MAP4K3: variants seen among roughly 807,000 people sequenced by gnomAD.
MAP4K3 encodes mitogen-activated protein kinase kinase kinase kinase 3.
A neutral mutation model predicts 143.5 loss-of-function variants in MAP4K3; 94 were observed. The ratio of observed to expected loss-of-function variants is 0.65; its 90% CI spans 0.55 to 0.78. The LOEUF (loss-of-function observed/expected upper bound fraction) is 0.78, where lower values mean the gene tolerates loss of function less well. Among genes scored for constraint, MAP4K3 ranks in the 30% least tolerant of loss-of-function variants. The pLI is 0.00. For synonymous variants in MAP4K3, 416 were observed against 347.2 expected (o/e 1.20, Z -2.20); for missense variants, 1,077 against 1,068.1 (o/e 1.01, Z -0.12).
At chr2:39,272,233 T>C in intron 26 of MAP4K3, 50 bp downstream of exon 26, 2 of 1,333,506 alleles carry the variant, frequency 1.5e-6, no homozygotes, top group Non-Finnish European at 2.1e-6. Context: ...CATAAATATT[T>C]ATGAGAATGA....
intron 15 of MAP4K3, among the ~76,000 whole-genome samples, chr2:39,307,621 A>T (rs1294106057): frequency 6.6e-6 from 1 of 151,884 alleles, no homozygotes; most frequent in East Asian, 1.9e-4. Flanking sequence ...TCATTAAAAC[A>T]AGTTACATCA....
At chr2:39,272,421 G>A in intron 25 of MAP4K3, 21 bp from the exon 26 acceptor site, 1 of 1,600,588 alleles carries the variant, frequency 6.2e-7, no homozygotes, top group Non-Finnish European at 8.6e-7. Context: ...AAACAGATAT[G>A]ACATAAAAGC....
intron 15 of MAP4K3, among the ~76,000 whole-genome samples, chr2:39,300,705 G>T (rs1031828770): frequency 6.6e-6 from 1 of 152,032 alleles, no homozygotes; most frequent in Non-Finnish European, 1.5e-5. Context: ...TCATGATCAG[G>T]GCTTAACACA....
chr2:39,314,189 C>T (rs903768854), intron 13 of MAP4K3, among the ~76,000 whole-genome samples: 3 of 152,084 alleles, frequency 2.0e-5, no homozygotes, highest in Non-Finnish European at 4.4e-5. Context: ...ATCAACATGC[C>T]TGGCTAATTT....
Position 39,325,778 on chromosome 2 carries a change from T to C in MAP4K3, c.759A>G (p.Ala253=), listed in dbSNP as rs546031452. ...SNSFHHFVKM[A]LTKNPKKRPT... ...GTCTTTTTTTCGGATTTTTGGTAAG[T>C]GCCATTTTCACAAAGTGATGAAAAC... The change falls in exon 11 of 34, where the codon GCA becomes GCG. Residue 253 remains alanine (A), a synonymous_variant. Transcript: ENST00000263881. The C allele has an allele frequency of 1.2e-6, 2 of 1,610,226 alleles. No individual in the cohort carries two copies. Among genetic ancestry groups the C allele is most frequent in the East Asian group, 2.2e-5 (1 of 44,740 alleles).
intron 1 of MAP4K3, among the ~76,000 whole-genome samples, chr2:39,410,407 C>T (rs531532535): frequency 5.3e-5 from 8 of 152,266 alleles, no homozygotes; most frequent in African/African-American, 1.7e-4. Context: ...AACAAAGCAA[C>T]TGGTAATATT....
intron 16 of MAP4K3, among the ~76,000 whole-genome samples, chr2:39,295,134 G>A (rs1294362142): frequency 6.6e-6 from 1 of 151,358 alleles, no homozygotes; most frequent in Non-Finnish European, 1.5e-5. Context: ...GTTATTAGTG[G>A]ACCTCAACAA....
intron 1 of MAP4K3, among the ~76,000 whole-genome samples, chr2:39,419,989 C>A (rs1435798592): frequency 6.6e-6 from 1 of 152,176 alleles, no homozygotes; most frequent in East Asian, 1.9e-4. Flanking sequence ...ATCTGACTTT[C>A]CTATCACTCA....
chr2:39,268,464 G>A (rs919488889), intron 26 of MAP4K3, among the ~76,000 whole-genome samples: 4 of 151,354 alleles, frequency 2.6e-5, no homozygotes, highest in Admixed American at 6.6e-5. Context: ...GGGACTACAG[G>A]TGCCTGCCAT....
chr2:39,331,775 G>C (rs1683689532), intron 8 of MAP4K3, 142 bp downstream of exon 8: 3 of 476,630 alleles, frequency 6.3e-6, no homozygotes, highest in Non-Finnish European at 1.2e-5. Context: ...CCACCCATAA[G>C]TGTACATGCC....
chr2:39,370,664 C>T (rs1003123266), intron 2 of MAP4K3, among the ~76,000 whole-genome samples: 10 of 152,198 alleles, frequency 6.6e-5, no homozygotes, highest in African/African-American at 1.9e-4. Flanking sequence ...AGCATAATAC[C>T]CTATTTTCTC....
chr2:39,417,201 G>A (rs1222272411), intron 1 of MAP4K3, among the ~76,000 whole-genome samples: 5 of 150,854 alleles, frequency 3.3e-5, no homozygotes, highest in African/African-American at 9.8e-5. Context: ...GGCAGTGAAA[G>A]CCAGGTTTCT....
chr2:39,351,744 C>T (rs573831110), intron 3 of MAP4K3, among the ~76,000 whole-genome samples: 1 of 152,318 alleles, frequency 6.6e-6, no homozygotes, highest in East Asian at 1.9e-4. Flanking sequence ...TCTTGGCTCA[C>T]TGCAACCTCT....
intron 8 of MAP4K3, among the ~76,000 whole-genome samples, chr2:39,326,583 G>A (rs1409554137): frequency 2.0e-5 from 3 of 152,098 alleles, no homozygotes; most frequent in African/African-American, 7.2e-5. Context: ...TAAGACTTTG[G>A]GGGACTGTTG....
intron 9 of MAP4K3, 91 bp downstream of exon 9, chr2:39,326,055 A>C: frequency 1.6e-5 from 24 of 1,526,562 alleles, no homozygotes; most frequent in Non-Finnish European, 2.1e-5. Flanking sequence ...CAAATAAGGT[A>C]AAACAAGACT....
intron 32 of MAP4K3, among the ~76,000 whole-genome samples, chr2:39,253,523 C>G (rs1680230709): frequency 6.6e-6 from 1 of 152,188 alleles, no homozygotes; most frequent in Admixed American, 6.5e-5. Context: ...ACTCAATTCA[C>G]AGATGAAAAA....
At chr2:39,280,187 C>A in intron 23 of MAP4K3, 85 bp downstream of exon 23, 1 of 783,458 alleles carries the variant, frequency 1.3e-6, no homozygotes, top group Non-Finnish European at 2.0e-6. Flanking sequence ...GAAAGATACT[C>A]AGAAAATAAA....
intron 1 of MAP4K3, among the ~76,000 whole-genome samples, chr2:39,427,178 T>C (rs1417581229): frequency 1.3e-5 from 2 of 151,798 alleles, no homozygotes; most frequent in Non-Finnish European, 2.9e-5. Flanking sequence ...ATCTTCAAAG[T>C]GCTGAGAAAA....
chr2:39,279,642 A>C (rs1225863792), intron 23 of MAP4K3, among the ~76,000 whole-genome samples: 1 of 152,124 alleles, frequency 6.6e-6, no homozygotes, highest in Admixed American at 6.6e-5. Context: ...AATTCCTTCC[A>C]TAATGGCTGT....
Sources: gnomAD v4.1 joint callset for allele counts (sites outside exome capture counted in the v4.1 genomes callset) on GRCh38, gnomAD v4.1.1 for gene constraint, MANE v1.5 for transcripts, NCBI Gene and HGNC (gene_info 2026-07-23, HGNC 2026-07-21) for gene names.